GEMIN5: variants seen among roughly 807,000 people sequenced by gnomAD.
GEMIN5 encodes gem-associated protein 5.
Under a neutral mutation model 176.9 loss-of-function variants are expected in GEMIN5, and 124 were observed. The observed-to-expected ratio is 0.70, with a 90% CI of 0.61 to 0.81. GEMIN5 has a LOEUF of 0.81. GEMIN5 is among the 40% of genes least tolerant of loss of function. The pLI is 0.00. For missense variants in GEMIN5, 1,843 were observed against 1,814.6 expected (o/e 1.02, Z -0.28); for synonymous variants, 673 against 665.2 (o/e 1.01, Z -0.18).
chr5:154,889,363 G>A lies in GEMIN5; in HGVS notation c.4317C>T (p.Thr1439=), dbSNP rs757932154. 3.2e-5 allele frequency: 52 copies of A among 1,609,436 alleles called. No individual in the cohort carries two copies. The highest frequency in any genetic ancestry group is 2.7e-4 in the East Asian group (12 of 44,842). ...ATTTCGCCATTCTCTGATTTGCCTC[G>A]GTAAGCCTTTTGGTTAACTCAGGCA... The part of the protein sequence containing the change: ...LSLPELTKRL[T]EANQRMAKFP... The change falls in exon 27 of 28, where the codon ACC becomes ACT. Residue 1439 remains threonine (T), a synonymous_variant. Coordinates refer to ENST00000285873, the MANE Select transcript of GEMIN5 (RefSeq NM_015465.5).
intron 26 of GEMIN5, among the ~76,000 whole-genome samples, chr5:154,890,755 C>T (rs1224819943): frequency 6.6e-6 from 1 of 152,132 alleles, no homozygotes; most frequent in Non-Finnish European, 1.5e-5. Context: ...CATGCCACCA[C>T]ACCTGGTTAC....
intron 24 of GEMIN5, among the ~76,000 whole-genome samples, chr5:154,894,023 C>T (rs1763295212): frequency 6.6e-6 from 1 of 152,206 alleles, no homozygotes; most frequent in African/African-American, 2.4e-5. Flanking sequence ...TGGCTCACTG[C>T]AGCCTCCGTC....
intron 1 of GEMIN5, 97 bp from the exon 2 acceptor site, chr5:154,937,282 G>T: frequency 9.9e-7 from 1 of 1,012,214 alleles, no homozygotes; most frequent in Non-Finnish European, 1.5e-6. Flanking sequence ...AGATGCTTTG[G>T]AGTTACTTAA....
At chr5:154,889,087 A>C (rs1030183652) in intron 27 of GEMIN5, among the ~76,000 whole-genome samples, 1 of 152,166 alleles carries the variant, frequency 6.6e-6, no homozygotes, top group Non-Finnish European at 1.5e-5. Flanking sequence ...CATGTTAGCC[A>C]GGATGGTCTT....
intron 9 of GEMIN5, among the ~76,000 whole-genome samples, chr5:154,922,643 T>C (rs901753232): frequency 1.6e-4 from 25 of 152,104 alleles, no homozygotes; most frequent in Non-Finnish European, 2.8e-4. Context: ...GATATAGAAC[T>C]ATTTAAGTTT....
At chr5:154,894,106 G>A (rs962515281) in intron 24 of GEMIN5, among the ~76,000 whole-genome samples, 11 of 151,874 alleles carry the variant, frequency 7.2e-5, no homozygotes, top group African/African-American at 1.7e-4. Context: ...TACCACACCC[G>A]GCTAATTTTT....
At position 154,896,255 on chromosome 5, in the gene GEMIN5, T is replaced by C; in HGVS notation, c.3434A>G (p.Tyr1145Cys). The stretch of plus-strand genomic sequence containing the variant: ...TTCGGTGCCCGTGTTCCAAGTGTGG[T>C]AAGAGGAGGAGCTTTTGCCCTCTGA... ...QLSEGKSSSS[Y>C]HTWNTGTEGP... Residue 1145 changes from tyrosine (Y) to cysteine (C), a missense_variant, in exon 24 of 28, where the codon TAC becomes TGC. Coordinates refer to ENST00000285873, the MANE Select transcript of GEMIN5 (RefSeq NM_015465.5). 1 of 1,613,750 alleles carries C rather than the reference T, an allele frequency of 6.2e-7. No individual in the cohort carries two copies.
At position 154,900,624 on chromosome 5, in the gene GEMIN5, C is replaced by T. The variant is rs567823108; in HGVS notation, c.3014+715G>A. ...CAGTCTCTGAGTTGAGAAGAGGAAA[C>T]AATGGAAATCTGAGGGGCAGGATAC... On this transcript the variant is annotated intron_variant, in intron 21 of 27. Transcript: ENST00000285873. Among the ~76,000 whole-genome samples the T allele has an allele frequency of 1.6e-4, 25 of 152,226 alleles. 1 individual carries two copies. Among genetic ancestry groups the T allele is most frequent in the African/African-American group, 5.8e-4 (24 of 41,538 alleles).
chr5:154,901,957 T>C (rs1045314623), intron 20 of GEMIN5, among the ~76,000 whole-genome samples: 8 of 152,136 alleles, frequency 5.3e-5, no homozygotes, highest in Admixed American at 4.6e-4. Flanking sequence ...CATGTCACCA[T>C]GCCCAGATAA....
chr5:154,903,144 C>T lies in GEMIN5; in HGVS notation c.2664G>A (p.Glu888=), dbSNP rs1763499608. 6.2e-7 allele frequency: 1 copy of T among 1,612,850 alleles called. No individual in the cohort carries two copies. Among genetic ancestry groups the T allele is most frequent in the Non-Finnish European group, 8.5e-7 (1 of 1,179,038 alleles). The change falls in exon 19 of 28, where the codon GAG becomes GAA. Residue 888 remains glutamate, a synonymous_variant. Transcript: ENST00000285873. Reference sequence around the variant, plus strand: ...TGAAAAGCCCCAGATGAAATCTTTCCTCAACATCAGCAGACACATCTTCAT... The same window carrying T: ...TGAAAAGCCCCAGATGAAATCTTTCTTCAACATCAGCAGACACATCTTCAT... ...ELNEDVSADV[E]ERFHLGLFTD...
At position 154,895,505 on chromosome 5, in the gene GEMIN5, C is replaced by T. The variant is rs189246444; in HGVS notation, c.3597+587G>A. Among the ~76,000 whole-genome samples the T allele has an allele frequency of 9.5e-4, 144 of 152,132 alleles. No homozygotes were observed. In the Middle Eastern group the frequency reaches 0.02, roughly 22 times the overall value. On this transcript the variant is annotated intron_variant, in intron 24 of 27. Coordinates refer to ENST00000285873, the MANE Select transcript of GEMIN5 (RefSeq NM_015465.5). ...GCACTGACACAGGAGGTGCCTGTGG[C>T]GAGCTAGGGAAGGAGTGAAGGGCTG...
chr5:154,935,962 C>T lies in GEMIN5; in HGVS notation c.388G>A (p.Glu130Lys). Reference protein sequence around the residue: ...RVKDLIVSGDEKGVVFCYWFN... With the variant: ...RVKDLIVSGDKKGVVFCYWFN... ...CAGTAACAGAAAACTACTCCTTTTT[C>T]ATCCCCAGATACTATTAAGTCCTTT... The change falls in exon 3 of 28, where the codon GAA (glutamate) becomes AAA (lysine). Residue 130 changes from glutamate to lysine, a missense_variant. By Grantham distance (56) the Glu-to-Lys change is moderately conservative. Transcript: ENST00000285873. 1 of 1,611,850 alleles carries T rather than the reference C, an allele frequency of 6.2e-7. No individual in the cohort carries two copies. The highest frequency in any genetic ancestry group is 1.7e-5 in the Admixed American group (1 of 60,010).
At chr5:154,928,423 A>G (rs1764089566) in intron 6 of GEMIN5, 104 bp downstream of exon 6, 2 of 982,696 alleles carry the variant, frequency 2.0e-6, no homozygotes, top group East Asian at 2.4e-5. Context: ...CAAATGGCCC[A>G]TCATAATACA....
intron 16 of GEMIN5, 147 bp downstream of exon 16, chr5:154,907,444 T>C: frequency 2.8e-6 from 1 of 354,350 alleles, no homozygotes; most frequent in Non-Finnish European, 4.9e-6. Flanking sequence ...TTTTAGAGAC[T>C]TGAATAAAGC....
chr5:154,934,603 C>A (rs1421416147), intron 3 of GEMIN5, among the ~76,000 whole-genome samples: 1 of 152,158 alleles, frequency 6.6e-6, no homozygotes, highest in Non-Finnish European at 1.5e-5. Flanking sequence ...TGAGCCACTG[C>A]GCCCAGCCTT....
chr5:154,922,133 A>G (rs979609684), intron 9 of GEMIN5, among the ~76,000 whole-genome samples: 1 of 152,238 alleles, frequency 6.6e-6, no homozygotes, highest in Non-Finnish European at 1.5e-5. Flanking sequence ...TTTATATTTT[A>G]TAAACAGGCT....
Position 154,919,964 on chromosome 5 carries a change from C to G in GEMIN5, c.1599+3G>C. ...AAAATACTTCAGGACCACAAGAACT[C>G]ACTTTGATTGAATTGGTGTCCCTGA... On this transcript the variant is annotated splice_donor_region_variant and intron_variant, in intron 11 of 27. Transcript: ENST00000285873. 1 of 1,612,498 alleles carries G rather than the reference C, an allele frequency of 6.2e-7. No individual in the cohort carries two copies. The highest frequency in any genetic ancestry group is 8.5e-7 in the Non-Finnish European group (1 of 1,179,290).
Position 154,888,005 on chromosome 5 carries a change from T to G in GEMIN5, c.*205A>C, listed in dbSNP as rs1184006812. ...GGGCTTTTCATGATCTTCCCTCCAG[T>G]AGGAGACCACAATTGAGTCTAAAGT... On this transcript the variant is annotated 3_prime_UTR_variant, in exon 28 of 28. Transcript: ENST00000285873. 1.8e-6 allele frequency: 1 copy of G among 553,914 alleles called. No individual in the cohort carries two copies. The highest frequency in any genetic ancestry group is 3.2e-6 in the Non-Finnish European group (1 of 311,290). The allele number at this position is 553,914 out of a possible 1,614,324, so 34.3% of individuals were successfully genotyped here.
chr5:154,896,324 CA>C lies in GEMIN5; in HGVS notation c.3364del (p.Cys1122AlafsTer39), dbSNP rs1763351884. 2 of 1,588,250 alleles carry C rather than the reference CA, an allele frequency of 1.3e-6. No individual in the cohort carries two copies. The highest frequency in any genetic ancestry group is 1.7e-6 in the Non-Finnish European group (2 of 1,168,906). On this transcript the variant is annotated frameshift_variant, in exon 24 of 28. Coordinates refer to ENST00000285873, the MANE Select transcript of GEMIN5 (RefSeq NM_015465.5). LOFTEE classifies it high-confidence loss of function. ...ESLQGQRLVF[C>X]LLELLSRHLE... ...ATGCCTGGACAGTAGCTCCAGAAGG[CA>C]AAACACCAATCTCTGACCCTGGAAC...
Sources: allele counts gnomAD v4.1 joint callset (sites outside exome capture counted in the v4.1 genomes callset), GRCh38; gene constraint gnomAD v4.1.1; transcripts MANE v1.5; gene names NCBI Gene and HGNC (gene_info 2026-07-23, HGNC 2026-07-21).